FRMD5: variants seen among roughly 807,000 people sequenced by gnomAD.
FRMD5 encodes the protein FERM domain-containing protein 5.
A neutral mutation model predicts 69.0 loss-of-function variants in FRMD5; 20 were observed. That is an observed-to-expected ratio of 0.29 (90% CI 0.20 to 0.42). The LOEUF is 0.42. Ranked by LOEUF, FRMD5 falls within the 10% of genes least tolerant of loss-of-function variation. The pLI, the probability that FRMD5 is intolerant of heterozygous loss-of-function variation, is 1.00. For synonymous variants in FRMD5, 271 were observed against 260.1 expected, an observed-to-expected ratio of 1.04 and a Z score of -0.40; for missense variants, 595 against 708.6, an observed-to-expected ratio of 0.84 and a Z score of 1.82.
chr15:43,937,351 T>C (rs191342908), intron 1 of FRMD5, among the ~76,000 whole-genome samples: 1 of 152,260 alleles, frequency 6.6e-6, no homozygotes, highest in East Asian at 1.9e-4. Flanking sequence ...GGATGTTTAT[T>C]AAGAAGTGCT....
intron 1 of FRMD5, among the ~76,000 whole-genome samples, chr15:43,928,563 T>C (rs1470235174): frequency 6.6e-6 from 1 of 152,180 alleles, no homozygotes. Context: ...TTTAGGAATT[T>C]TACAACTTCC....
chr15:43,881,091 G>C (rs771982086), intron 13 of FRMD5, among the ~76,000 whole-genome samples: 4 of 152,128 alleles, frequency 2.6e-5, no homozygotes, highest in Non-Finnish European at 5.9e-5. Context: ...CTGGTTTCCT[G>C]GACATTCTTC....
At position 43,904,038 on chromosome 15, in the gene FRMD5, G is replaced by A. The variant is rs1467955080; in HGVS notation, c.552-1776C>T. 4.6e-5 allele frequency among the ~76,000 whole-genome samples: 7 copies of A among 152,324 alleles called. 1 individual carries two copies. Among genetic ancestry groups the A allele is most frequent in the Admixed American group, 4.6e-4 (7 of 15,304 alleles). On this transcript the variant is annotated intron_variant, in intron 6 of 13. Transcript: ENST00000417257. ...CCTGGGAAGGCACACCGAGGGAGAG[G>A]GGCGGGAAGCATCTAAGATTCCATT...
intron 1 of FRMD5, among the ~76,000 whole-genome samples, chr15:44,164,764 A>T (rs2077680596): frequency 6.6e-6 from 1 of 152,142 alleles, no homozygotes; most frequent in Admixed American, 6.5e-5. Context: ...TGACAATGAA[A>T]CTGTCACAGT....
intron 3 of FRMD5, 64 bp downstream of exon 3, chr15:43,919,703 G>T: frequency 6.6e-7 from 1 of 1,512,024 alleles, no homozygotes; most frequent in Non-Finnish European, 9.2e-7. Context: ...CTTGAGATAA[G>T]TGGGAGGTTT....
rs187671977 is a variant in FRMD5, at chr15:44,034,530, A to C, written c.103-110221T>G. Among the ~76,000 whole-genome samples the C allele has an allele frequency of 3.3e-5, 5 of 152,348 alleles. No individual in the cohort carries two copies. In the East Asian group the frequency reaches 9.6e-4, roughly 29 times the overall value. On this transcript the variant is annotated intron_variant, in intron 1 of 13. Coordinates refer to ENST00000417257, the MANE Select transcript of FRMD5 (RefSeq NM_032892.5). ...CTGCTTCTGCATCAGTAAATTTTGC[A>C]ATAAAAGATTATTGTGAAATAAGCA... is the stretch of plus-strand genomic sequence containing the variant.
intron 1 of FRMD5, among the ~76,000 whole-genome samples, chr15:44,129,349 C>G (rs574318518): frequency 6.6e-6 from 1 of 152,224 alleles, no homozygotes; most frequent in Admixed American, 6.5e-5. Context: ...AAGTCAGATT[C>G]TAGAATTGCA....
chr15:43,909,799 A>G (rs2089252771), intron 5 of FRMD5, 83 bp downstream of exon 5: 1 of 793,020 alleles, frequency 1.3e-6, no homozygotes, highest in Non-Finnish European at 2.1e-6. Flanking sequence ...TTTAGATTCA[A>G]GAAGGAGTCA....
At chr15:43,995,011 A>T (rs1226003397) in intron 1 of FRMD5, among the ~76,000 whole-genome samples, 1 of 152,154 alleles carries the variant, frequency 6.6e-6, no homozygotes, top group Non-Finnish European at 1.5e-5. Flanking sequence ...GCTTCCAGGT[A>T]TTCTTGTTTT....
intron 1 of FRMD5, among the ~76,000 whole-genome samples, chr15:44,153,691 G>A (rs879376812): frequency 1.6e-4 from 24 of 152,216 alleles, no homozygotes; most frequent in Non-Finnish European, 1.8e-4. Context: ...GGTTAAGGCC[G>A]GGCATGGTGG....
chr15:43,930,627 T>C (rs1483886425), intron 1 of FRMD5, among the ~76,000 whole-genome samples: 4 of 152,200 alleles, frequency 2.6e-5, no homozygotes, highest in Admixed American at 6.5e-5. Context: ...CAGCAACTTC[T>C]TTGCCCCAAC....
chr15:44,132,281 C>G (rs1279554205), intron 1 of FRMD5, among the ~76,000 whole-genome samples: 8 of 152,160 alleles, frequency 5.3e-5, no homozygotes, highest in Admixed American at 5.2e-4. Flanking sequence ...TGCCGTGTGG[C>G]CTGGTTCCTA....
chr15:44,059,692 T>G (rs997641120), intron 1 of FRMD5, among the ~76,000 whole-genome samples: 2 of 151,996 alleles, frequency 1.3e-5, no homozygotes, highest in South Asian at 4.2e-4. Context: ...TTTTTTTGTA[T>G]TTTTAGTAGA....
chr15:43,963,785 T>C (rs2090245551), intron 1 of FRMD5, among the ~76,000 whole-genome samples: 4 of 152,052 alleles, frequency 2.6e-5, no homozygotes, highest in African/African-American at 7.2e-5. Flanking sequence ...AAACCATCAT[T>C]CTCAGCAAAC....
At chr15:43,991,050 G>A (rs1354985853) in intron 1 of FRMD5, among the ~76,000 whole-genome samples, 1 of 152,180 alleles carries the variant, frequency 6.6e-6, no homozygotes, top group Non-Finnish European at 1.5e-5. Flanking sequence ...GTCCTAAAAT[G>A]AAAAATTAGT....
intron 1 of FRMD5, among the ~76,000 whole-genome samples, chr15:44,075,212 A>C (rs1893707826): frequency 1.3e-5 from 2 of 152,360 alleles, no homozygotes; most frequent in South Asian, 4.1e-4. Context: ...CATCATAAGT[A>C]GACCCAGAAA....
At chr15:43,981,020 C>A (rs2090540388) in intron 1 of FRMD5, among the ~76,000 whole-genome samples, 2 of 152,154 alleles carry the variant, frequency 1.3e-5, no homozygotes, top group African/African-American at 4.8e-5. Context: ...CAAACACACA[C>A]ACATACACAT....
At chr15:44,001,514 T>C (rs1362840734) in intron 1 of FRMD5, among the ~76,000 whole-genome samples, 1 of 152,194 alleles carries the variant, frequency 6.6e-6, no homozygotes, top group East Asian at 1.9e-4. Context: ...CTATATTTTC[T>C]TCTAGGATTT....
Position 44,070,383 on chromosome 15 carries a change from C to T in FRMD5, c.102+124570G>A, listed in dbSNP as rs188425224. Among the ~76,000 whole-genome samples the T allele has an allele frequency of 8.6e-5, 13 of 150,956 alleles. No homozygotes were observed. In the East Asian group the frequency reaches 2.5e-3, roughly 29 times the overall value. ...AGGCCCTCTCATTGAGAGTCTGCTTCTGTTCCAGAATGCTTGAACAAATAA... is the reference window on the plus strand; with the variant it reads ...AGGCCCTCTCATTGAGAGTCTGCTTTTGTTCCAGAATGCTTGAACAAATAA... On this transcript the variant is annotated intron_variant, in intron 1 of 13. Transcript: ENST00000417257.
Sources: allele counts gnomAD v4.1 joint callset (sites outside exome capture counted in the v4.1 genomes callset), GRCh38; gene constraint gnomAD v4.1.1; transcripts MANE v1.5; gene names NCBI Gene and HGNC (gene_info 2026-07-23, HGNC 2026-07-21).